NUP43: variants seen among roughly 807,000 people sequenced by gnomAD.
The protein encoded by NUP43 is nucleoporin 43, also known as nucleoporin Nup43.
A neutral mutation model predicts 47.3 loss-of-function variants in NUP43; 32 were observed. The ratio of observed to expected loss-of-function variants is 0.68; its 90% CI spans 0.51 to 0.91. NUP43 has a LOEUF of 0.91. NUP43 is among the 40% of genes least tolerant of loss of function. The probability of loss-of-function intolerance (pLI) is 0.00; values close to 1 mark genes in which losing one functional copy is unlikely to be tolerated. For synonymous variants in NUP43, 147 were observed against 158.4 expected, an observed-to-expected ratio of 0.93 and a Z score of 0.54; for missense variants, 444 against 453.9, an observed-to-expected ratio of 0.98 and a Z score of 0.20.
rs1784779004 is a variant in NUP43, at chr6:149,726,069, A to G, written c.*900T>C. 1 of 152,212 alleles carries G rather than the reference A, an allele frequency of 6.6e-6. No individual in the cohort carries two copies. Among genetic ancestry groups the G allele is most frequent in the Non-Finnish European group, 1.5e-5 (1 of 68,046 alleles). The allele number at this position is 152,212 out of a possible 1,614,324, so 9.4% of individuals were successfully genotyped here. The stretch of plus-strand genomic sequence containing the variant: ...CTAACAAGCTGAAAGAGTTCTGCTC[A>G]AAAACCTATTCTGAAAAAGGAACTT... On this transcript the variant is annotated 3_prime_UTR_variant, in exon 8 of 8. Transcript: ENST00000340413.
At chr6:149,730,013 T>C (rs1369130190) in intron 7 of NUP43, among the ~76,000 whole-genome samples, 3 of 146,942 alleles carry the variant, frequency 2.0e-5, no homozygotes, top group African/African-American at 7.4e-5. Context: ...AGCACGCCCT[T>C]TTTTTTTTTT....
chr6:149,729,542 G>T (rs2115078401), intron 7 of NUP43: 1 of 983,968 alleles, frequency 1.0e-6, no homozygotes, highest in South Asian at 4.7e-5. Flanking sequence ...AACTTTTACA[G>T]CATTTTCAAC....
intron 4 of NUP43, among the ~76,000 whole-genome samples, chr6:149,741,622 C>T (rs1161693157): frequency 2.0e-5 from 3 of 152,066 alleles, no homozygotes; most frequent in Non-Finnish European, 4.4e-5. Flanking sequence ...TCTCCTGCCT[C>T]AGCCTCCCGA....
chr6:149,735,793 T>C (rs368579262), intron 6 of NUP43, among the ~76,000 whole-genome samples: 2 of 145,084 alleles, frequency 1.4e-5, no homozygotes, highest in East Asian at 2.0e-4. Flanking sequence ...ACCCCATATC[T>C]ACAAAAAAAA....
chr6:149,746,092 G>T, intron 1 of NUP43, 30 bp from the exon 2 acceptor site: 1 of 1,601,652 alleles, frequency 6.2e-7, no homozygotes, highest in South Asian at 1.1e-5. Flanking sequence ...GTCTTGAGAT[G>T]ACATAAACGT....
At chr6:149,749,061 C>T (rs944350117), upstream of NUP43, among the ~76,000 whole-genome samples, 13 of 152,040 alleles carry the variant, frequency 8.6e-5, no homozygotes, top group African/African-American at 3.1e-4. Flanking sequence ...TATTTTTTAA[C>T]CAATCGCAAC....
chr6:149,736,890 T>C (rs1785392370), intron 5 of NUP43, among the ~76,000 whole-genome samples: 2 of 152,002 alleles, frequency 1.3e-5, no homozygotes, highest in Non-Finnish European at 2.9e-5. Flanking sequence ...GGTTTCTCCA[T>C]GTTGCCCAGG....
At chr6:149,732,379 CTACTAAAAA>C (rs753987641) in intron 6 of NUP43, among the ~76,000 whole-genome samples, 87 of 149,924 alleles carry the variant, frequency 5.8e-4, no homozygotes, top group South Asian at 2.1e-3. Flanking sequence ...AACTCCGTCT[CTACTAAAAA>C]TACTAAAAAT....
At chr6:149,739,403 C>T (rs1173669679) in intron 4 of NUP43, among the ~76,000 whole-genome samples, 2 of 152,242 alleles carry the variant, frequency 1.3e-5, no homozygotes, top group South Asian at 2.1e-4. Context: ...TCTCTTGCCT[C>T]GGCCTCTCTA....
upstream of NUP43, among the ~76,000 whole-genome samples, chr6:149,747,359 C>T (rs1436772287): frequency 1.3e-5 from 2 of 152,042 alleles, no homozygotes; most frequent in African/African-American, 4.8e-5. Context: ...CTCACTGCAA[C>T]CTCTGCCTCC....
chr6:149,746,061 T>C lies in NUP43; in HGVS notation c.122A>G (p.Glu41Gly). The C allele has an allele frequency of 6.2e-7, 1 of 1,611,378 alleles. No homozygotes were observed. Among genetic ancestry groups the C allele is most frequent in the East Asian group, 2.2e-5 (1 of 44,878 alleles). ...TFATGSWDNEENYISLWSIGD... is the reference protein window; with the variant it reads ...TFATGSWDNEGNYISLWSIGD... ...AATAGACCACAGTGAAATATAATTT[T>C]CCTGTAAAACAGAAAGTTTTGTCTT... Residue 41 changes from glutamate to glycine, a missense_variant and splice_region_variant, in exon 2 of 8, where the codon GAA becomes GGA. Transcript: ENST00000340413.
intron 2 of NUP43, among the ~76,000 whole-genome samples, chr6:149,744,155 A>C (rs1785831717): frequency 6.6e-6 from 1 of 152,156 alleles, no homozygotes. Context: ...TGGAGGTTGC[A>C]GTGAGCCAAG....
chr6:149,731,775 T>G, intron 6 of NUP43, 40 bp from the exon 7 acceptor site: 1 of 1,604,872 alleles, frequency 6.2e-7, no homozygotes, highest in Non-Finnish European at 8.5e-7. Context: ...CTGTGCAGAT[T>G]CGCTGAACAA....
intron 6 of NUP43, among the ~76,000 whole-genome samples, chr6:149,735,061 T>A (rs545871564): frequency 6.6e-4 from 100 of 152,220 alleles, no homozygotes; most frequent in African/African-American, 2.1e-3. Flanking sequence ...TAAAATGGTA[T>A]GATTTTTATC....
At chr6:149,729,607 C>T (rs573432884) in intron 7 of NUP43, 331 of 832,904 alleles carry the variant, frequency 4.0e-4, no homozygotes, top group Admixed American at 4.4e-4. Context: ...CCTTTTCTTC[C>T]TATTTGTTCT....
At chr6:149,736,767 T>G (rs1222092055) in intron 5 of NUP43, 145 bp from the exon 6 acceptor site, 1 of 646,174 alleles carries the variant, frequency 1.5e-6, no homozygotes, top group African/African-American at 1.8e-5. Flanking sequence ...TTGCTTACTG[T>G]AGGCTCAAAC....
At chr6:149,731,931 A>C (rs1054434664) in intron 6 of NUP43, among the ~76,000 whole-genome samples, 196 bp from the exon 7 acceptor site, 6 of 152,160 alleles carry the variant, frequency 3.9e-5, no homozygotes, top group African/African-American at 1.4e-4. Context: ...ACACATAGAA[A>C]GGAAAAAGAA....
intron 7 of NUP43, chr6:149,727,869 C>G: frequency 1.0e-6 from 1 of 985,308 alleles, no homozygotes; most frequent in Non-Finnish European, 1.2e-6. Context: ...AACTTACTTT[C>G]CTCTCAACTT....
Position 149,726,675 on chromosome 6 carries a change from T to C in NUP43, c.*294A>G. 1 of 381,166 alleles carries C rather than the reference T, an allele frequency of 2.6e-6. No homozygotes were observed. The highest frequency in any genetic ancestry group is 4.9e-6 in the Non-Finnish European group (1 of 204,066). 23.6% of individuals were successfully genotyped at this position (381,166 alleles called of 1,614,324 possible). A position where few individuals can be genotyped will look rare whatever the true frequency, so the allele number is the denominator to read the frequency against. On this transcript the variant is annotated 3_prime_UTR_variant, in exon 8 of 8. Transcript: ENST00000340413. The stretch of plus-strand genomic sequence containing the variant: ...CACAACATCAAAAATAAAGAATTAG[T>C]TCCACAAGCTGTCTGTCAATAATAC...
Sources: gnomAD v4.1 joint callset for allele counts (sites outside exome capture counted in the v4.1 genomes callset) on GRCh38, gnomAD v4.1.1 for gene constraint, MANE v1.5 for transcripts, NCBI Gene and HGNC (gene_info 2026-07-23, HGNC 2026-07-21) for gene names.